The following SLC16A14 variants were observed in gnomAD, a reference collection of about 807,000 sequenced individuals.
SLC16A14 encodes the protein solute carrier family 16 member 14, also known as monocarboxylate transporter 14.
A neutral mutation model predicts 35.8 loss-of-function variants in SLC16A14; 14 were observed. That is an observed-to-expected ratio of 0.39 (90% CI 0.26 to 0.61). The LOEUF (loss-of-function observed/expected upper bound fraction) is 0.61. SLC16A14 is among the 20% of genes least tolerant of loss of function. The probability of loss-of-function intolerance (pLI) is 0.51; values close to 1 mark genes in which losing one functional copy is unlikely to be tolerated. For missense variants in SLC16A14, 533 were observed against 655.0 expected, an observed-to-expected ratio of 0.81 and a Z score of 2.03; for synonymous variants, 248 against 258.9, an observed-to-expected ratio of 0.96 and a Z score of 0.40.
intron 2 of SLC16A14, among the ~76,000 whole-genome samples, chr2:230,053,770 G>A (rs1046591469): frequency 4.6e-5 from 7 of 151,946 alleles, no homozygotes; most frequent in African/African-American, 9.7e-5. Context: ...GACAGAGTGC[G>A]ACTTCATCTA....
rs2077645844 is a variant in SLC16A14 at position 230,049,966 on chromosome 2, A to C, written c.260-62T>G. The C allele has an allele frequency of 2.5e-6, 4 of 1,570,608 alleles. No homozygotes were observed. In the South Asian group the frequency reaches 4.6e-5, roughly 18 times the overall value. ...TGCTTCCGTTTTATTCTTTCTCATA[A>C]ATCTTCATGTGAAGACAAAGAATAA... On this transcript the variant is annotated intron_variant, in intron 2 of 4. Coordinates refer to ENST00000295190, the MANE Select transcript of SLC16A14 (RefSeq NM_152527.5).
chr2:230,058,704 C>T (rs2106273427), intron 2 of SLC16A14, among the ~76,000 whole-genome samples: 1 of 152,230 alleles, frequency 6.6e-6, no homozygotes, highest in East Asian at 1.9e-4. Context: ...ACAATCTCAG[C>T]TCACTGCAAC....
chr2:230,047,727 A>G (rs981384242), intron 3 of SLC16A14, among the ~76,000 whole-genome samples: 2 of 152,228 alleles, frequency 1.3e-5, no homozygotes, highest in Non-Finnish European at 2.9e-5. Flanking sequence ...CTAAATGTAG[A>G]TTTTAAATGT....
intron 3 of SLC16A14, 78 bp downstream of exon 3, chr2:230,049,681 CTT>C (rs2077641365): frequency 6.7e-7 from 1 of 1,490,928 alleles, no homozygotes; most frequent in Non-Finnish European, 9.2e-7. Flanking sequence ...TAATGTGTCT[CTT>C]TTCTCCACAA....
At chr2:230,043,859 C>T (rs2077579329) in intron 4 of SLC16A14, among the ~76,000 whole-genome samples, 1 of 152,206 alleles carries the variant, frequency 6.6e-6, no homozygotes, top group Non-Finnish European at 1.5e-5. Context: ...AAGGCACTGG[C>T]CCAGACACAA....
In SLC16A14 at chr2:230,046,465, G is replaced by A; in HGVS notation, c.661C>T (p.Pro221Ser). The change falls in exon 4 of 5, where the codon CCA becomes TCA. Residue 221 changes from proline to serine, a missense_variant. Transcript: ENST00000295190. This position sits in a 1 kb window ranked among gnomAD's most constrained non-coding sequence, Gnocchi z 5.0. ...AGGCCACGCACATCTTTCTCTCCTGGGTCGTTTGGGTTTTTACCAGGAGAG... is the reference window on the plus strand; with the variant it reads ...AGGCCACGCACATCTTTCTCTCCTGAGTCGTTTGGGTTTTTACCAGGAGAG... ...PLSPGKNPND[P>S]GEKDVRGLPA... 2 of 1,614,132 alleles carry A rather than the reference G, an allele frequency of 1.2e-6. No homozygotes were observed. Among genetic ancestry groups the A allele is most frequent in the Non-Finnish European group, 1.7e-6 (2 of 1,180,030 alleles).
At position 230,037,259 on chromosome 2, in the gene SLC16A14, A is replaced by C; in HGVS notation, c.*121T>G. The C allele has an allele frequency of 1.2e-6, 1 of 860,496 alleles. No homozygotes were observed. Among genetic ancestry groups the C allele is most frequent in the South Asian group, 2.2e-5 (1 of 45,980 alleles). The allele number at this position is 860,496 out of a possible 1,614,324, so 53.3% of individuals were successfully genotyped here. On this transcript the variant is annotated 3_prime_UTR_variant, in exon 5 of 5. Transcript: ENST00000295190. ...ATGAGGCTGTGACAATGGCATTTAC[A>C]AATGACAGTGCCAGTTACCGTACAA...
At chr2:230,039,895 C>A (rs935307872) in intron 4 of SLC16A14, among the ~76,000 whole-genome samples, 1 of 152,160 alleles carries the variant, frequency 6.6e-6, no homozygotes, top group African/African-American at 2.4e-5. Flanking sequence ...AGCTGTATTT[C>A]GTTCAGACTA....
At chr2:230,056,219 A>ATCATTAGG (rs1349480310) in intron 2 of SLC16A14, among the ~76,000 whole-genome samples, 10 of 150,614 alleles carry the variant, frequency 6.6e-5, no homozygotes, top group African/African-American at 2.4e-4. Flanking sequence ...CTTGTTGTCT[A>ATCATTAGG]TCATTAGGAC....
intron 4 of SLC16A14, among the ~76,000 whole-genome samples, chr2:230,040,543 T>A (rs34900884): frequency 0.074 from 11,231 of 152,198 alleles, 1,102 homozygotes; most frequent in African/African-American, 0.22. Flanking sequence ...TATTATTATT[T>A]TTTTTTAAAA....
Position 230,051,470 on chromosome 2 carries a change from G to A in SLC16A14, c.260-1566C>T, listed in dbSNP as rs529341563. On this transcript the variant is annotated intron_variant, in intron 2 of 4. Coordinates refer to ENST00000295190, the MANE Select transcript of SLC16A14 (RefSeq NM_152527.5). ...GCCATGGCACCTGGCTGACTTTCTA[G>A]TTCTTAATTGTCAACCTTCTTTATT... Among the ~76,000 whole-genome samples, 56 of 152,108 alleles carry A rather than the reference G, an allele frequency of 3.7e-4. No individual in the cohort carries two copies. In the South Asian group the frequency reaches 0.012, roughly 32 times the overall value.
intron 2 of SLC16A14, among the ~76,000 whole-genome samples, chr2:230,050,655 A>T (rs763908917): frequency 3.9e-5 from 6 of 152,212 alleles, no homozygotes; most frequent in Non-Finnish European, 8.8e-5. Flanking sequence ...ACGGTAGGTT[A>T]TTATGTTCAC....
intron 2 of SLC16A14, among the ~76,000 whole-genome samples, chr2:230,055,598 A>G (rs2077697986): frequency 6.6e-6 from 1 of 152,242 alleles, no homozygotes; most frequent in Non-Finnish European, 1.5e-5. Context: ...AAGTATGACC[A>G]TCACATTTCA....
At chr2:230,040,353 G>A (rs912136890) in intron 4 of SLC16A14, among the ~76,000 whole-genome samples, 2 of 151,988 alleles carry the variant, frequency 1.3e-5, no homozygotes, top group Non-Finnish European at 2.9e-5. Flanking sequence ...CCGAGTAGCT[G>A]GGATTACAGG....
At chr2:230,056,324 G>A (rs1479585907) in intron 2 of SLC16A14, among the ~76,000 whole-genome samples, 1 of 146,628 alleles carries the variant, frequency 6.8e-6, no homozygotes, top group Non-Finnish European at 1.5e-5. Flanking sequence ...GCGCCATCTC[G>A]GCTGACTGCA....
At chr2:230,039,717 G>A (rs2077544881) in intron 4 of SLC16A14, among the ~76,000 whole-genome samples, 1 of 152,146 alleles carries the variant, frequency 6.6e-6, no homozygotes, top group East Asian at 1.9e-4. Flanking sequence ...CATTTTAATG[G>A]CTAAATCCCC....
At position 230,046,585 on chromosome 2, in the gene SLC16A14, A is replaced by T. The variant is rs2077609935; in HGVS notation, c.541T>A (p.Tyr181Asn). The T allele has an allele frequency of 1.9e-6, 3 of 1,614,048 alleles. No homozygotes were observed. The highest frequency in any genetic ancestry group is 2.5e-6 in the Non-Finnish European group (3 of 1,180,030). ...CTCCAGCCGTACTCTGCGCACAGGT[A>T]CTTCAGCAGCACAGTCATTAGGAAC... ...GTFLMTVLLK[Y>N]LCAEYGWRNA... is the part of the protein sequence containing the mutation. Residue 181 changes from tyrosine to asparagine, a missense_variant, in exon 4 of 5, where the codon TAC (tyrosine) becomes AAC (asparagine). By Grantham distance (143) the Tyr-to-Asn change is moderately radical. Coordinates refer to ENST00000295190, the MANE Select transcript of SLC16A14 (RefSeq NM_152527.5). The surrounding 1 kb of genome is among the most constrained non-coding windows in gnomAD (Gnocchi z 5.0).
At chr2:230,048,943 A>AAGAG in intron 3 of SLC16A14, among the ~76,000 whole-genome samples, 1 of 107,308 alleles carries the variant, frequency 9.3e-6, no homozygotes, top group Non-Finnish European at 1.9e-5. Flanking sequence ...AAAAAAAAAA[A>AAGAG]AACAAATGAT....
intron 4 of SLC16A14, among the ~76,000 whole-genome samples, chr2:230,039,288 T>A (rs1174003099): frequency 6.6e-6 from 1 of 152,044 alleles, no homozygotes; most frequent in Non-Finnish European, 1.5e-5. Flanking sequence ...GTAAACCAAG[T>A]TTTTGAATTT....
Sources: allele counts gnomAD v4.1 joint callset (sites outside exome capture counted in the v4.1 genomes callset), GRCh38; gene constraint gnomAD v4.1.1; non-coding constraint Gnocchi (gnomAD v3.1); transcripts MANE v1.5; gene names NCBI Gene and HGNC (gene_info 2026-07-23, HGNC 2026-07-21).